The following PAPPA2 variants were observed in gnomAD, a reference collection of about 807,000 sequenced individuals.
PAPPA2 encodes the protein pappalysin 2, also known as pappalysin-2.
PAPPA2 carries 86 observed loss-of-function variants against 176.4 expected under a neutral mutation model. The ratio of observed to expected loss-of-function variants is 0.49; its 90% CI spans 0.41 to 0.58. PAPPA2 has a LOEUF of 0.58. Ranked by LOEUF, PAPPA2 falls within the 20% of genes least tolerant of loss-of-function variation. The pLI is 0.00. For synonymous variants in PAPPA2, 809 were observed against 852.2 expected (o/e 0.95, Z 0.88); for missense variants, 2,073 against 2,256.9 (o/e 0.92, Z 1.65).
chr1:176,740,295 C>T (rs529232582), intron 14 of PAPPA2, 99 bp downstream of exon 14: 1 of 1,207,712 alleles, frequency 8.3e-7, no homozygotes, highest in Admixed American at 2.6e-5. Flanking sequence ...TGCTCAATCA[C>T]TAACTGAAAA....
chr1:176,641,136 A>G (rs1657063430), intron 3 of PAPPA2, among the ~76,000 whole-genome samples: 1 of 150,958 alleles, frequency 6.6e-6, no homozygotes, highest in Non-Finnish European at 1.5e-5. Context: ...CCCATTTTGT[A>G]GGTTGCCTGT....
intron 3 of PAPPA2, among the ~76,000 whole-genome samples, chr1:176,632,118 G>GT (rs1656371554): frequency 6.6e-6 from 1 of 152,156 alleles, no homozygotes; most frequent in African/African-American, 2.4e-5. Flanking sequence ...TAGGAAGACA[G>GT]TGAAGATTTT....
At chr1:176,772,855 T>A (rs1664296241) in intron 17 of PAPPA2, among the ~76,000 whole-genome samples, 1 of 152,210 alleles carries the variant, frequency 6.6e-6, no homozygotes, top group South Asian at 2.1e-4. Flanking sequence ...TCTTGCTTTT[T>A]TTCTCTCTAG....
At position 176,815,994 on chromosome 1, in the gene PAPPA2, G is replaced by T. The variant is rs564070185; in HGVS notation, c.5202+15862G>T. Among the ~76,000 whole-genome samples, 139 of 151,500 alleles carry T rather than the reference G, an allele frequency of 9.2e-4. 1 individual carries two copies. Among genetic ancestry groups the T allele is most frequent in the African/African-American group, 3.2e-3 (134 of 41,342 alleles). ...TTTTTCCACAAGGAACCTTCTTGTGGACAAATTGTGAGGGAGGAAGGTATG... is the reference window on the plus strand; with the variant it reads ...TTTTTCCACAAGGAACCTTCTTGTGTACAAATTGTGAGGGAGGAAGGTATG... On this transcript the variant is annotated intron_variant, in intron 21 of 22. Coordinates refer to ENST00000367662, the MANE Select transcript of PAPPA2 (RefSeq NM_020318.3).
chr1:176,748,135 T>G (rs1663010861), intron 14 of PAPPA2, among the ~76,000 whole-genome samples: 1 of 152,124 alleles, frequency 6.6e-6, no homozygotes, highest in South Asian at 2.1e-4. Context: ...TATGCAAGGG[T>G]AGGGATTTCA....
rs780608140 is a variant in PAPPA2, at chr1:176,556,283, GAA to G, written c.-39_-38del. The G allele has an allele frequency of 6.3e-7, 1 of 1,586,638 alleles. No homozygotes were observed. Among genetic ancestry groups the G allele is most frequent in the South Asian group, 1.2e-5 (1 of 86,246 alleles). The stretch of plus-strand genomic sequence containing the variant: ...GCCCATCACTCTGGTGTGGTACCCA[GAA>G]GTTGACTTCTGGTTCTGTAGAAAGA... On this transcript the variant is annotated 5_prime_UTR_variant, in exon 2 of 23. Transcript: ENST00000367662.
At chr1:176,702,838 C>G in intron 9 of PAPPA2, 103 bp downstream of exon 9, 1 of 1,424,250 alleles carries the variant, frequency 7.0e-7, no homozygotes, top group East Asian at 2.4e-5. Context: ...GTTCTCTAAA[C>G]AGAAGTTTCA....
chr1:176,765,464 T>C (rs1317817688), intron 14 of PAPPA2, among the ~76,000 whole-genome samples: 1 of 152,222 alleles, frequency 6.6e-6, no homozygotes, highest in Non-Finnish European at 1.5e-5. Context: ...CAACTAACTG[T>C]TACTTGTTAG....
intron 12 of PAPPA2, among the ~76,000 whole-genome samples, chr1:176,730,399 A>AT (rs1242561297): frequency 1.3e-5 from 2 of 151,844 alleles, no homozygotes; most frequent in Non-Finnish European, 2.9e-5. Context: ...TAGTGCTGAT[A>AT]TTTGTTCATA....
chr1:176,637,572 T>C (rs776919644), intron 3 of PAPPA2, among the ~76,000 whole-genome samples: 1 of 152,140 alleles, frequency 6.6e-6, no homozygotes, highest in Non-Finnish European at 1.5e-5. Context: ...TTTGATCAAG[T>C]GGATACTGAA....
Position 176,839,413 on chromosome 1 carries a change from G to A in PAPPA2, c.5203-760G>A, listed in dbSNP as rs868568989. On this transcript the variant is annotated intron_variant, in intron 21 of 22. Transcript: ENST00000367662. ...CTGGACGCCTTTCCCATTTTAGTTC[G>A]TGCTGATTTACTGCAGTAGCAGTGG... is the stretch of plus-strand genomic sequence containing the variant. Among the ~76,000 whole-genome samples the A allele has an allele frequency of 9.2e-4, 140 of 152,226 alleles. 3 individuals carry two copies. Among genetic ancestry groups the A allele is most frequent in the Admixed American group, 7.9e-3 (120 of 15,280 alleles).
intron 12 of PAPPA2, among the ~76,000 whole-genome samples, chr1:176,737,770 T>C (rs189918203): frequency 2.7e-4 from 41 of 152,186 alleles, no homozygotes; most frequent in Middle Eastern, 3.4e-3. Flanking sequence ...TGCTAGGAGA[T>C]GAAAAATAGG....
intron 17 of PAPPA2, among the ~76,000 whole-genome samples, chr1:176,779,320 A>T (rs1356332860): frequency 6.6e-6 from 1 of 151,788 alleles, no homozygotes; most frequent in Non-Finnish European, 1.5e-5. Flanking sequence ...TTGAGTGAAC[A>T]TTTTGGTTGT....
At chr1:176,522,636 C>G (rs1649274136) in intron 1 of PAPPA2, among the ~76,000 whole-genome samples, 1 of 152,240 alleles carries the variant, frequency 6.6e-6, no homozygotes. Context: ...GCTGTTCTCT[C>G]TCTCTCTGAG....
At chr1:176,589,056 A>G (rs1318611669) in intron 2 of PAPPA2, among the ~76,000 whole-genome samples, 1 of 152,212 alleles carries the variant, frequency 6.6e-6, no homozygotes, top group African/African-American at 2.4e-5. Context: ...AGCAGCAGAT[A>G]TCCTGAGCAT....
intron 3 of PAPPA2, among the ~76,000 whole-genome samples, chr1:176,597,448 A>G (rs1050933902): frequency 6.6e-6 from 1 of 152,334 alleles, no homozygotes; most frequent in Non-Finnish European, 1.5e-5. Context: ...TCAAATTATC[A>G]GAACTACTTG....
chr1:176,556,501 G>C lies in PAPPA2; in HGVS notation c.179G>C (p.Arg60Thr). ...CTGGGGGCCAAGGTTCGAAGACCCA[G>C]AGCTTCTCCACAGCATCACCTCTTT... The part of the protein sequence containing the change: ...CWLGAKVRRP[R>T]ASPQHHLFGV... Residue 60 changes from arginine to threonine, a missense_variant, in exon 2 of 23, where the codon AGA becomes ACA. Coordinates refer to ENST00000367662, the MANE Select transcript of PAPPA2 (RefSeq NM_020318.3). 1 of 1,614,230 alleles carries C rather than the reference G, an allele frequency of 6.2e-7. No homozygotes were observed. Among genetic ancestry groups the C allele is most frequent in the East Asian group, 2.2e-5 (1 of 44,878 alleles).
chr1:176,575,369 A>T (rs539407031), intron 2 of PAPPA2, among the ~76,000 whole-genome samples: 1 of 152,308 alleles, frequency 6.6e-6, no homozygotes, highest in African/African-American at 2.4e-5. Flanking sequence ...AATCATTATA[A>T]TTTTTAACAC....
At chr1:176,740,407 C>A (rs1473027392) in intron 14 of PAPPA2, among the ~76,000 whole-genome samples, 2 of 152,090 alleles carry the variant, frequency 1.3e-5, no homozygotes, top group African/African-American at 4.8e-5. Flanking sequence ...CTTAGCTGAC[C>A]ATAATTTTTA....
Sources: gnomAD v4.1 joint callset for allele counts (sites outside exome capture counted in the v4.1 genomes callset) on GRCh38, gnomAD v4.1.1 for gene constraint, MANE v1.5 for transcripts, NCBI Gene and HGNC (gene_info 2026-07-23, HGNC 2026-07-21) for gene names.